MPRIP: variants seen among roughly 807,000 people sequenced by gnomAD.
The protein encoded by MPRIP is myosin phosphatase Rho-interacting protein.
A neutral mutation model predicts 234.9 loss-of-function variants in MPRIP; 59 were observed. The ratio of observed to expected loss-of-function variants is 0.25; its 90% CI spans 0.20 to 0.31. The LOEUF is 0.31. Ranked by LOEUF, MPRIP falls within the 10% of genes least tolerant of loss-of-function variation. MPRIP has a pLI of 1.00. For synonymous variants in MPRIP, 1,144 were observed against 1,263.9 expected, an observed-to-expected ratio of 0.91 and a Z score of 2.01; for missense variants, 2,436 against 3,071.0, an observed-to-expected ratio of 0.79 and a Z score of 4.89.
intron 3 of MPRIP, among the ~76,000 whole-genome samples, chr17:17,108,922 C>T (rs1395706005): frequency 6.6e-6 from 1 of 152,082 alleles, no homozygotes; most frequent in African/African-American, 2.4e-5. Flanking sequence ...CATCTGAAGC[C>T]ACCAGTGGCA....
chr17:17,135,134 G>A (rs113359384), intron 5 of MPRIP, among the ~76,000 whole-genome samples: 6 of 152,220 alleles, frequency 3.9e-5, no homozygotes, highest in African/African-American at 1.2e-4. Flanking sequence ...GGTTGTTGGG[G>A]CCCAGGATGT....
rs761881268 is a variant in MPRIP at position 17,175,362 on chromosome 17, G to A, written c.6820G>A (p.Glu2274Lys). The A allele has an allele frequency of 9.9e-6, 16 of 1,613,364 alleles. No homozygotes were observed. The highest frequency in any genetic ancestry group is 2.2e-5 in the East Asian group (1 of 44,886). The change falls in exon 20 of 24, where the codon GAG (glutamate) becomes AAG (lysine). Residue 2274 changes from glutamate (E) to lysine (K), a missense_variant. Physicochemically the swap from Glu to Lys is moderately conservative, Grantham distance 56 (BLOSUM62 1). Coordinates refer to ENST00000651222, the MANE Select transcript of MPRIP (RefSeq NM_001364716.4). ...GCTGCTGACTGGGGACGGCGGTGGG[G>A]AGGCCACTGGGTCACCCCTTGCACA... Reference protein sequence around the residue: ...RTLLTGDGGGEATGSPLAQGK... With the variant: ...RTLLTGDGGGKATGSPLAQGK...
chr17:17,126,883 A>G (rs758914620), intron 4 of MPRIP, 30 bp downstream of exon 4: 3 of 1,600,518 alleles, frequency 1.9e-6, no homozygotes, highest in East Asian at 2.2e-5. Context: ...GGAACAAGGC[A>G]CCACCACCTG....
intron 1 of MPRIP, among the ~76,000 whole-genome samples, chr17:17,047,136 G>A (rs963056327): frequency 1.3e-4 from 20 of 152,156 alleles, no homozygotes; most frequent in Admixed American, 4.6e-4. Flanking sequence ...AGCCAAGATC[G>A]TGCCACAGCA....
chr17:17,107,028 C>G (rs1486704417), intron 3 of MPRIP, among the ~76,000 whole-genome samples: 1 of 152,182 alleles, frequency 6.6e-6, no homozygotes, highest in Non-Finnish European at 1.5e-5. Context: ...AGAAAATAAG[C>G]CAAAGAGGAA....
chr17:17,075,305 T>C (rs2089302061), intron 1 of MPRIP, among the ~76,000 whole-genome samples: 1 of 152,200 alleles, frequency 6.6e-6, no homozygotes, highest in Non-Finnish European at 1.5e-5. Context: ...AGGCCCTGTT[T>C]TGTATCTTCA....
rs2137688 is a variant in MPRIP at position 17,159,106 on chromosome 17, G to T, written c.2400+104G>T. ...GGGGTTCATCTAGACAGTCCTACCC[G>T]CGAGGGACTTGCAGACCCCTAGGGG... On this transcript the variant is annotated intron_variant, in intron 14 of 23. Coordinates refer to ENST00000651222, the MANE Select transcript of MPRIP (RefSeq NM_001364716.4). 1,732 of 1,224,170 alleles carry T rather than the reference G, an allele frequency of 1.4e-3. 36 individuals are homozygous for T. The Admixed American group carries it at 0.032, about 22-fold the overall frequency. The allele number at this position is 1,224,170 out of a possible 1,614,324, so 75.8% of individuals were successfully genotyped here.
chr17:17,144,746 T>C (rs2045419577), intron 9 of MPRIP, among the ~76,000 whole-genome samples: 1 of 152,128 alleles, frequency 6.6e-6, no homozygotes, highest in Non-Finnish European at 1.5e-5. Flanking sequence ...GTCCCAGCTA[T>C]TTGAGAGGCT....
rs776031671 is a variant in MPRIP at position 17,167,656 on chromosome 17, A to C, written c.6065A>C (p.Glu2022Ala). 7.7e-7 allele frequency: 1 copy of C among 1,304,248 alleles called. No individual in the cohort carries two copies. Among genetic ancestry groups the C allele is most frequent in the Admixed American group, 2.3e-5 (1 of 43,562 alleles). 80.8% of individuals were successfully genotyped at this position (1,304,248 alleles called of 1,614,324 possible). A position where few individuals can be genotyped will look rare whatever the true frequency, so the allele number is the denominator to read the frequency against. ...GAGGAGGAGCTGAGGACCCTGCAGG[A>C]GCACTACTCGCAGAGCCTGAGGTGC... ...IHEEELRTLQ[E>A]HYSQSLRCLQ... The change falls in exon 16 of 24, where the codon GAG becomes GCG. Residue 2022 changes from glutamate to alanine, a missense_variant. Coordinates refer to ENST00000651222, the MANE Select transcript of MPRIP (RefSeq NM_001364716.4). This position sits in a 1 kb window ranked among gnomAD's most constrained non-coding sequence, Gnocchi z 5.9.
chr17:17,089,543 C>T (rs1449145102), intron 3 of MPRIP, among the ~76,000 whole-genome samples: 2 of 152,122 alleles, frequency 1.3e-5, no homozygotes, highest in Non-Finnish European at 2.9e-5. Context: ...TCATAGCTCA[C>T]TGCAGCCTTG....
rs1250476751 is a variant in MPRIP at position 17,132,010 on chromosome 17, G to A, written c.504+309G>A. ...GCTGGCAGCTGGGGAGGGGCAGCAC[G>A]GGCAGCCTGCAGCCACAGTCAAAAG... On this transcript the variant is annotated intron_variant, in intron 5 of 23. Coordinates refer to ENST00000651222, the MANE Select transcript of MPRIP (RefSeq NM_001364716.4). 3.9e-5 allele frequency among the ~76,000 whole-genome samples: 6 copies of A among 152,186 alleles called. No individual in the cohort carries two copies. The South Asian group carries it at 8.3e-4, about 21-fold the overall frequency.
intron 4 of MPRIP, among the ~76,000 whole-genome samples, chr17:17,129,030 G>A (rs1289569265): frequency 3.3e-5 from 5 of 152,130 alleles, no homozygotes; most frequent in Non-Finnish European, 7.4e-5. Flanking sequence ...GTGGGTTGGG[G>A]ACAGTCCCAC....
chr17:17,071,016 C>T (rs1481193263), intron 1 of MPRIP, among the ~76,000 whole-genome samples: 1 of 152,196 alleles, frequency 6.6e-6, no homozygotes, highest in Non-Finnish European at 1.5e-5. Flanking sequence ...GTTCCCTTCC[C>T]ACTGGGCAAT....
rs1345939519 is a variant in MPRIP at position 17,114,787 on chromosome 17, G to C, written c.268-11915G>C. Among the ~76,000 whole-genome samples, 5 of 152,092 alleles carry C rather than the reference G, an allele frequency of 3.3e-5. 1 individual carries two copies. On this transcript the variant is annotated intron_variant, in intron 3 of 23. Coordinates refer to ENST00000651222, the MANE Select transcript of MPRIP (RefSeq NM_001364716.4). ...TCCCAAGGGAAGCTCCTCTGGCAGA[G>C]GGCCCTTGGCCATTTGGCGGGGGCC... is the stretch of plus-strand genomic sequence containing the variant.
chr17:17,098,109 G>A (rs536127822), intron 3 of MPRIP, among the ~76,000 whole-genome samples: 1 of 152,230 alleles, frequency 6.6e-6, no homozygotes, highest in Non-Finnish European at 1.5e-5. Flanking sequence ...GTCCTGCTGG[G>A]GCCAGGCACC....
intron 5 of MPRIP, among the ~76,000 whole-genome samples, chr17:17,135,089 G>C (rs2090668530): frequency 6.6e-6 from 1 of 152,226 alleles, no homozygotes; most frequent in African/African-American, 2.4e-5. Context: ...TTTGGAGAGG[G>C]GCCAAAGCCA....
intron 3 of MPRIP, among the ~76,000 whole-genome samples, chr17:17,092,392 A>G (rs1244083983): frequency 6.6e-6 from 1 of 152,120 alleles, no homozygotes; most frequent in Non-Finnish European, 1.5e-5. Flanking sequence ...TGTGCTAGGC[A>G]CTGTGATGTG....
chr17:17,166,001 C>A lies in MPRIP; in HGVS notation c.4410C>A (p.Val1470=). Residue 1470 remains valine, a synonymous_variant, in exon 16 of 24, where the codon GTC becomes GTA. Coordinates refer to ENST00000651222, the MANE Select transcript of MPRIP (RefSeq NM_001364716.4). This position sits in a 1 kb window ranked among gnomAD's most constrained non-coding sequence, Gnocchi z 4.4. ...TTGGAGAGCTTGGGGACTTCCAGGT[C>A]AAGAATAGTCAGGCCCTGATGTGCC... ...GHVGELGDFQ[V]KNSQALMCLE... is the part of the protein sequence containing the mutation. 1 of 1,304,268 alleles carries A rather than the reference C, an allele frequency of 7.7e-7. No homozygotes were observed. The highest frequency in any genetic ancestry group is 1.0e-6 in the Non-Finnish European group (1 of 988,938). 80.8% of individuals were successfully genotyped at this position (1,304,268 alleles called of 1,614,324 possible). A position where few individuals can be genotyped will look rare whatever the true frequency, so the allele number is the denominator to read the frequency against.
At chr17:17,130,726 G>A (rs987632033) in intron 4 of MPRIP, among the ~76,000 whole-genome samples, 2 of 151,996 alleles carry the variant, frequency 1.3e-5, no homozygotes, top group African/African-American at 2.4e-5. Context: ...GCCCAGGGCT[G>A]GAGCTGGGGC....
Sources: gnomAD v4.1 joint callset for allele counts (sites outside exome capture counted in the v4.1 genomes callset) on GRCh38, gnomAD v4.1.1 for gene constraint, Gnocchi (gnomAD v3.1) non-coding constraint, MANE v1.5 for transcripts, NCBI Gene and HGNC (gene_info 2026-07-23, HGNC 2026-07-21) for gene names.